MAP3K7: variants seen among roughly 807,000 people sequenced by gnomAD.
MAP3K7 encodes the protein mitogen-activated protein kinase kinase kinase 7, also known as TGF-beta activated kinase 1.
In MAP3K7, 21 loss-of-function variants were observed where a neutral mutation model predicts 84.8. The observed-to-expected ratio is 0.25, with a 90% CI of 0.18 to 0.36. MAP3K7 has a LOEUF of 0.36. Ranked by LOEUF, MAP3K7 falls within the 10% of genes least tolerant of loss-of-function variation. MAP3K7 has a pLI of 1.00. For synonymous variants in MAP3K7, 241 were observed against 247.7 expected (o/e 0.97, Z 0.25); for missense variants, 503 against 747.7 (o/e 0.67, Z 3.82).
chr6:90,527,504 C>T (rs188875683), intron 13 of MAP3K7, among the ~76,000 whole-genome samples: 46 of 152,146 alleles, frequency 3.0e-4, no homozygotes, highest in African/African-American at 8.4e-4. Context: ...TGGGCTCAAG[C>T]GATCCTCCTG....
chr6:90,548,452 T>C lies in MAP3K7; in HGVS notation c.950-275A>G, dbSNP rs751965237. On this transcript the variant is annotated intron_variant, in intron 9 of 16. Transcript: ENST00000369329. Reference sequence around the variant, plus strand: ...TAGTAGAAGAACTGAGGGCTATTAATTGAGATGCGGAAAGACTAAAGGAAG... The same window carrying C: ...TAGTAGAAGAACTGAGGGCTATTAACTGAGATGCGGAAAGACTAAAGGAAG... Among the ~76,000 whole-genome samples the C allele has an allele frequency of 2.2e-4, 34 of 152,222 alleles. 2 individuals are homozygous for C. Among genetic ancestry groups the C allele is most frequent in the Non-Finnish European group, 4.4e-5 (3 of 68,012 alleles).
chr6:90,575,544 T>C (rs1777045754), intron 1 of MAP3K7, among the ~76,000 whole-genome samples: 1 of 151,908 alleles, frequency 6.6e-6, no homozygotes, highest in Non-Finnish European at 1.5e-5. Context: ...GTAGAACACG[T>C]AAGGGATAAA....
Position 90,523,783 on chromosome 6 carries a change from C to G in MAP3K7, c.1357G>C (p.Val453Leu), listed in dbSNP as rs1775232150. 1 of 1,553,980 alleles carries G rather than the reference C, an allele frequency of 6.4e-7. No individual in the cohort carries two copies. The highest frequency in any genetic ancestry group is 1.7e-5 in the Admixed American group (1 of 59,652). Residue 453 changes from valine (V) to leucine (L), a missense_variant and splice_region_variant, in exon 14 of 17, where the codon GTG (valine) becomes CTG (leucine). Val to Leu is a conservative substitution (Grantham distance 32, BLOSUM62 1). Around this residue, in one of 5 missense-constraint regions of MAP3K7, gnomAD observed 286 missense variants for 313.6 expected, o/e 0.91. Transcript: ENST00000369329. The stretch of plus-strand genomic sequence containing the variant: ...CTGGGACTGGATGACCTACTGCTCA[C>G]CTACAGGAAGAAGTCACAGGAGAAA... ...LTVTGTEPGQ[V>L]SSRSSSPSVR... is the part of the protein sequence containing the mutation.
rs1340670657 is a variant in MAP3K7, at chr6:90,561,647, A to G, written c.318T>C (p.Tyr106=). The G allele has an allele frequency of 6.2e-7, 1 of 1,612,040 alleles. No homozygotes were observed. The highest frequency in any genetic ancestry group is 8.5e-7 in the Non-Finnish European group (1 of 1,178,196). Residue 106 remains tyrosine (Y), a synonymous_variant, in exon 4 of 17, where the codon TAT becomes TAC. Transcript: ENST00000369329. ...CLNPVCLVME[Y]AEGGSLYNVL... The stretch of plus-strand genomic sequence containing the variant: ...CATTATATAAAGAGCCCCCTTCAGC[A>G]TATTCCATCACAAGACACACCTAAA...
In MAP3K7 at chr6:90,548,111, G is replaced by C; in HGVS notation, c.1016C>G (p.Pro339Arg). The change falls in exon 10 of 17, where the codon CCT (proline) becomes CGT (arginine). Residue 339 changes from proline to arginine, a missense_variant. Pro to Arg is a moderately radical substitution (Grantham distance 103). Transcript: ENST00000369329. Reference sequence around the variant, plus strand: ...GCGCTTAATAGTATCATTTGTGGCAGGAACTTGCTCCATATTAGTGTCACT... The same window carrying C: ...GCGCTTAATAGTATCATTTGTGGCACGAACTTGCTCCATATTAGTGTCACT... ...NKSDTNMEQV[P>R]ATNDTIKRLE... 1 of 1,612,118 alleles carries C rather than the reference G, an allele frequency of 6.2e-7. No homozygotes were observed. Among genetic ancestry groups the C allele is most frequent in the Non-Finnish European group, 8.5e-7 (1 of 1,178,902 alleles).
intron 3 of MAP3K7, among the ~76,000 whole-genome samples, chr6:90,564,716 G>A (rs147573571): frequency 4.1e-4 from 63 of 152,228 alleles, no homozygotes; most frequent in African/African-American, 6.7e-4. Flanking sequence ...TGCACCAAGT[G>A]GACCTAATAG....
At position 90,576,419 on chromosome 6, in the gene MAP3K7, TCACACACACACACACA is replaced by T. The variant is rs11468988; in HGVS notation, c.121-4628_121-4613del. ...GCCTGGGCAACAGAGCTAGACTCTG[TCACACACACACACACA>T]CACACACACACACACACACACACAC... is the stretch of plus-strand genomic sequence containing the variant. On this transcript the variant is annotated intron_variant, in intron 1 of 16. Coordinates refer to ENST00000369329, the MANE Select transcript of MAP3K7 (RefSeq NM_145331.3). Among the ~76,000 whole-genome samples, 371 of 136,950 alleles carry T rather than the reference TCACACACACACACACA, an allele frequency of 2.7e-3. 2 individuals carry two copies. Among genetic ancestry groups the T allele is most frequent in the African/African-American group, 8.9e-3 (325 of 36,484 alleles). The allele number at this position is 136,950 out of a possible 152,430, so 89.8% of individuals were successfully genotyped here.
chr6:90,569,180 T>C (rs1582230053), intron 2 of MAP3K7, among the ~76,000 whole-genome samples: 2 of 152,186 alleles, frequency 1.3e-5, no homozygotes, highest in Non-Finnish European at 2.9e-5. Flanking sequence ...TCAGAGAGGG[T>C]TGAATGACCT....
intron 8 of MAP3K7, 87 bp downstream of exon 8, chr6:90,551,962 G>A: frequency 7.1e-7 from 1 of 1,418,024 alleles, no homozygotes; most frequent in East Asian, 2.3e-5. Flanking sequence ...GCAGAATATA[G>A]TAATAACATC....
At position 90,542,490 on chromosome 6, in the gene MAP3K7, G is replaced by C. The variant is rs1775883848; in HGVS notation, c.1291+2062C>G. The C allele has an allele frequency of 4.1e-6, 4 of 985,080 alleles. No homozygotes were observed. The South Asian group carries it at 1.9e-4, about 46-fold the overall frequency. The allele number at this position is 985,080 out of a possible 1,614,324, so 61.0% of individuals were successfully genotyped here. A position where few individuals can be genotyped will look rare whatever the true frequency, so the allele number is the denominator to read the frequency against. On this transcript the variant is annotated intron_variant, in intron 12 of 16. Transcript: ENST00000369329. The stretch of plus-strand genomic sequence containing the variant: ...TCCATAAAGGCCCAATGTCATAAAA[G>C]AGGATCTCCCTGGCTGAAGAGCTCT...
chr6:90,528,547 A>G (rs1775396894), intron 13 of MAP3K7, among the ~76,000 whole-genome samples: 2 of 152,186 alleles, frequency 1.3e-5, no homozygotes, highest in African/African-American at 2.4e-5. Flanking sequence ...AAAAGCCACA[A>G]TGGATTCAGG....
At chr6:90,572,902 G>C (rs1180435367) in intron 1 of MAP3K7, among the ~76,000 whole-genome samples, 1 of 152,048 alleles carries the variant, frequency 6.6e-6, no homozygotes, top group Non-Finnish European at 1.5e-5. Flanking sequence ...ATTGTGAAAG[G>C]ACCTTAGTTA....
At chr6:90,544,488 C>T (rs554513893) in intron 12 of MAP3K7, 64 bp downstream of exon 12, 27 of 1,419,716 alleles carry the variant, frequency 1.9e-5, no homozygotes, top group Non-Finnish European at 2.6e-5. Context: ...AAGCATTTTA[C>T]AAGTACCAGG....
At chr6:90,527,185 G>A (rs1775347649) in intron 13 of MAP3K7, among the ~76,000 whole-genome samples, 1 of 152,014 alleles carries the variant, frequency 6.6e-6, no homozygotes, top group African/African-American at 2.4e-5. Context: ...AAAAGCATTT[G>A]ACAACATTTA....
At chr6:90,547,451 C>T (rs1317468666) in intron 10 of MAP3K7, 64 bp from the exon 11 acceptor site, 12 of 1,561,536 alleles carry the variant, frequency 7.7e-6, no homozygotes, top group Middle Eastern at 1.7e-4. Flanking sequence ...CTTAGGCAAC[C>T]TAAAAGGAGG....
chr6:90,556,413 C>A, intron 6 of MAP3K7, 87 bp downstream of exon 6: 2 of 1,409,986 alleles, frequency 1.4e-6, no homozygotes, highest in South Asian at 1.4e-5. Flanking sequence ...GAAATAAAAC[C>A]ATGGAAATGG....
chr6:90,523,645 A>G, intron 14 of MAP3K7, 33 bp downstream of exon 14: 1 of 1,374,548 alleles, frequency 7.3e-7, no homozygotes, highest in South Asian at 1.2e-5. Flanking sequence ...TGACTGATTC[A>G]ACTTCATAAG....
In MAP3K7 at chr6:90,527,866, C is replaced by CTT. The variant is rs991440454; in HGVS notation, c.1357-4085_1357-4084dup. On this transcript the variant is annotated intron_variant, in intron 13 of 16. Coordinates refer to ENST00000369329, the MANE Select transcript of MAP3K7 (RefSeq NM_145331.3). ...GAAACTAAAATGGGTTTCATAAGGA[C>CTT]TTTTTTTTTTTTTTTTTTTTTTTTT... Among the ~76,000 whole-genome samples, 51 of 44,646 alleles carry CTT rather than the reference C, an allele frequency of 1.1e-3. 14 individuals are homozygous for CTT. Among genetic ancestry groups the CTT allele is most frequent in the African/African-American group, 3.1e-3 (22 of 7,050 alleles). 29.3% of individuals were successfully genotyped at this position (44,646 alleles called of 152,430 possible). A position where few individuals can be genotyped will look rare whatever the true frequency, so the allele number is the denominator to read the frequency against.
At chr6:90,520,612 T>C (rs943873239) in intron 14 of MAP3K7, among the ~76,000 whole-genome samples, 1 of 151,988 alleles carries the variant, frequency 6.6e-6, no homozygotes, top group African/African-American at 2.4e-5. Context: ...AATTCCATAT[T>C]GAAAAAGTAA....
Sources: allele counts gnomAD v4.1 joint callset (sites outside exome capture counted in the v4.1 genomes callset), GRCh38; gene constraint gnomAD v4.1.1; regional missense constraint gnomAD v4.1.1; transcripts MANE v1.5; gene names NCBI Gene and HGNC (gene_info 2026-07-23, HGNC 2026-07-21).